Variants in ADAM22 observed in about 807,000 individuals in gnomAD.
ADAM22 encodes disintegrin and metalloproteinase domain-containing protein 22.
A neutral mutation model predicts 144.6 loss-of-function variants in ADAM22; 65 were observed. That is an observed-to-expected ratio of 0.45 (90% CI 0.37 to 0.55). ADAM22 has a LOEUF of 0.55. Among genes scored for constraint, ADAM22 ranks in the 20% least tolerant of loss-of-function variants. The pLI is 0.00. For missense variants in ADAM22, 974 were observed against 1,184.9 expected (o/e 0.82, Z 2.61); for synonymous variants, 391 against 412.6 (o/e 0.95, Z 0.63).
intron 2 of ADAM22, among the ~76,000 whole-genome samples, chr7:87,968,145 G>C (rs765191571): frequency 6.6e-6 from 1 of 152,122 alleles, no homozygotes; most frequent in Non-Finnish European, 1.5e-5. Context: ...CAAGGGGAGA[G>C]AGCTATTTTT....
intron 26 of ADAM22, among the ~76,000 whole-genome samples, chr7:88,175,534 A>G (rs1845427616): frequency 6.6e-6 from 1 of 152,196 alleles, no homozygotes; most frequent in African/African-American, 2.4e-5. Flanking sequence ...TGAGGGGGAA[A>G]AAAACTAGTT....
chr7:87,987,262 T>G (rs2129450817), intron 3 of ADAM22, among the ~76,000 whole-genome samples: 1 of 152,264 alleles, frequency 6.6e-6, no homozygotes, highest in Admixed American at 6.5e-5. Flanking sequence ...CACTGCAACC[T>G]CCGTCTCCCG....
At chr7:88,027,754 C>A (rs146133306) in intron 3 of ADAM22, among the ~76,000 whole-genome samples, 50 of 149,852 alleles carry the variant, frequency 3.3e-4, no homozygotes, top group Admixed American at 3.3e-4. Context: ...TTTGCTGTTG[C>A]TTTTCTAGTT....
At chr7:88,125,197 A>T (rs1172121826) in intron 7 of ADAM22, among the ~76,000 whole-genome samples, 1 of 152,012 alleles carries the variant, frequency 6.6e-6, no homozygotes, top group Non-Finnish European at 1.5e-5. Context: ...TTAATAAATT[A>T]TGAACTTGGG....
intron 13 of ADAM22, among the ~76,000 whole-genome samples, chr7:88,135,037 G>C (rs570042094): frequency 2.0e-5 from 3 of 151,996 alleles, no homozygotes; most frequent in African/African-American, 7.2e-5. Flanking sequence ...ACTTTGGGAG[G>C]CTGAGGCAGG....
chr7:87,979,498 C>T (rs1258948094), intron 3 of ADAM22, among the ~76,000 whole-genome samples: 1 of 152,096 alleles, frequency 6.6e-6, no homozygotes, highest in African/African-American at 2.4e-5. Context: ...ATACTTATCA[C>T]CATTTAATAT....
intron 5 of ADAM22, among the ~76,000 whole-genome samples, chr7:88,109,876 C>A (rs554432102): frequency 1.3e-5 from 2 of 152,244 alleles, no homozygotes; most frequent in South Asian, 4.1e-4. Flanking sequence ...GAGAGGGTTA[C>A]ACTGACAGAT....
intron 4 of ADAM22, among the ~76,000 whole-genome samples, chr7:88,079,334 C>G (rs549493890): frequency 6.6e-6 from 1 of 152,174 alleles, no homozygotes; most frequent in Non-Finnish European, 1.5e-5. Flanking sequence ...CCTACAAGAG[C>G]TCCTGAAGGA....
chr7:88,177,112 T>C (rs565339898), intron 26 of ADAM22, among the ~76,000 whole-genome samples: 1 of 152,348 alleles, frequency 6.6e-6, no homozygotes, highest in East Asian at 1.9e-4. Flanking sequence ...CATCAGTTTA[T>C]AAAGATTATC....
At chr7:88,083,187 A>T (rs1381419492) in intron 4 of ADAM22, among the ~76,000 whole-genome samples, 1 of 152,206 alleles carries the variant, frequency 6.6e-6, no homozygotes, top group Non-Finnish European at 1.5e-5. Flanking sequence ...TGTCCTTTGT[A>T]GGGACATGGA....
At chr7:87,994,123 A>C (rs780502146) in intron 3 of ADAM22, among the ~76,000 whole-genome samples, 1 of 152,086 alleles carries the variant, frequency 6.6e-6, no homozygotes, top group Non-Finnish European at 1.5e-5. Flanking sequence ...CTTTGTGTTA[A>C]TTGAAGTCTC....
chr7:88,102,819 C>T (rs1390294966), intron 4 of ADAM22, among the ~76,000 whole-genome samples: 1 of 152,164 alleles, frequency 6.6e-6, no homozygotes, highest in Non-Finnish European at 1.5e-5. Context: ...TTATATAGCA[C>T]TTTACAGTGT....
intron 3 of ADAM22, among the ~76,000 whole-genome samples, chr7:88,073,831 G>A (rs1233389524): frequency 6.6e-6 from 1 of 152,244 alleles, no homozygotes; most frequent in South Asian, 2.1e-4. Flanking sequence ...AATAACACCT[G>A]CTCAAGTGTC....
At chr7:87,987,887 C>T (rs1788847268) in intron 3 of ADAM22, among the ~76,000 whole-genome samples, 1 of 152,168 alleles carries the variant, frequency 6.6e-6, no homozygotes, top group African/African-American at 2.4e-5. Context: ...GTTGGCATAT[C>T]TTCTTAGCTA....
intron 2 of ADAM22, among the ~76,000 whole-genome samples, chr7:87,954,398 A>G (rs890978732): frequency 2.6e-5 from 4 of 151,974 alleles, no homozygotes; most frequent in Non-Finnish European, 5.9e-5. Flanking sequence ...TCCTTCACTT[A>G]TGAAGCTTAC....
chr7:88,089,166 C>G (rs140177095), intron 4 of ADAM22, among the ~76,000 whole-genome samples: 4 of 151,950 alleles, frequency 2.6e-5, no homozygotes, highest in African/African-American at 9.7e-5. Flanking sequence ...TTTGCTTACC[C>G]TGGATATAAA....
At chr7:88,008,284 A>G (rs1202649081) in intron 3 of ADAM22, among the ~76,000 whole-genome samples, 1 of 151,100 alleles carries the variant, frequency 6.6e-6, no homozygotes, top group Non-Finnish European at 1.5e-5. Context: ...AAATAAGAAC[A>G]CTTTTACACT....
At chr7:88,044,331 A>C (rs188897402) in intron 3 of ADAM22, among the ~76,000 whole-genome samples, 79 of 152,324 alleles carry the variant, frequency 5.2e-4, no homozygotes, top group Middle Eastern at 6.8e-3. Context: ...AGGAACTGCT[A>C]TGTTATCTGC....
At chr7:87,982,400 C>G (rs1853772888) in intron 3 of ADAM22, among the ~76,000 whole-genome samples, 3 of 151,734 alleles carry the variant, frequency 2.0e-5, no homozygotes, top group Non-Finnish European at 4.4e-5. Context: ...GCAGAGGGAA[C>G]AGCAAGGGTC....
Sources: gnomAD v4.1 joint callset for allele counts (sites outside exome capture counted in the v4.1 genomes callset) on GRCh38, gnomAD v4.1.1 for gene constraint, MANE v1.5 for transcripts, NCBI Gene and HGNC (gene_info 2026-07-23, HGNC 2026-07-21) for gene names.